Variants in HERC4 observed in about 807,000 individuals in gnomAD.
HERC4 encodes the protein probable E3 ubiquitin-protein ligase HERC4.
HERC4 carries 28 observed loss-of-function variants against 124.3 expected under a neutral mutation model. That is an observed-to-expected ratio of 0.23 (90% CI 0.17 to 0.31). HERC4 has a LOEUF of 0.31. Among genes scored for constraint, HERC4 ranks in the 10% least tolerant of loss-of-function variants. The pLI is 1.00. For missense variants in HERC4, 713 were observed against 1,229.3 expected, an observed-to-expected ratio of 0.58 and a Z score of 6.28; for synonymous variants, 407 against 421.5, an observed-to-expected ratio of 0.97 and a Z score of 0.42.
chr10:67,935,387 C>T (rs1035171908), intron 22 of HERC4, among the ~76,000 whole-genome samples: 7 of 152,036 alleles, frequency 4.6e-5, no homozygotes, highest in Admixed American at 2.0e-4. Context: ...CCTCGTGATC[C>T]GCCCGCCTCG....
rs140517278 is a variant in HERC4 at position 67,954,730 on chromosome 10, A to G, written c.2202T>C (p.Phe734=). 12 of 1,613,086 alleles carry G rather than the reference A, an allele frequency of 7.4e-6. No individual in the cohort carries two copies. The African/African-American group carries it at 1.5e-4, about 20-fold the overall frequency. ...IDYKKPLKVI[F]VGEDAVDAGG... is the part of the protein sequence containing the mutation. ...CTGCATCCACAGCATCTTCTCCAAC[A>G]AATATAACCTAAAATAGCACAATGC... The change falls in exon 19 of 25, where the codon TTT becomes TTC. Residue 734 remains phenylalanine (F), a synonymous_variant. Transcript: ENST00000373700.
chr10:68,035,870 A>G (rs1460849821), intron 5 of HERC4, among the ~76,000 whole-genome samples: 1 of 152,146 alleles, frequency 6.6e-6, no homozygotes, highest in Non-Finnish European at 1.5e-5. Context: ...CCGCTGTCCT[A>G]TGTTCTAAAT....
At chr10:68,001,004 A>G (rs2037196368) in intron 9 of HERC4, among the ~76,000 whole-genome samples, 2 of 152,186 alleles carry the variant, frequency 1.3e-5, no homozygotes, top group Admixed American at 1.3e-4. Context: ...CATTTTAAAG[A>G]AAGGTGTGCC....
intron 18 of HERC4, 38 bp downstream of exon 18, chr10:67,954,925 T>C: frequency 6.5e-7 from 1 of 1,541,370 alleles, no homozygotes; most frequent in African/African-American, 1.4e-5. Context: ...AGCTTCTGAA[T>C]AAAAGTCCCA....
At chr10:67,945,888 C>T (rs1343745820) in intron 19 of HERC4, among the ~76,000 whole-genome samples, 2 of 148,300 alleles carry the variant, frequency 1.3e-5, no homozygotes, top group African/African-American at 5.0e-5. Flanking sequence ...GTCACTTTCA[C>T]AAAAAGGAAT....
intron 3 of HERC4, chr10:68,067,021 T>C (rs1340240105): frequency 1.3e-5 from 2 of 152,632 alleles, no homozygotes; most frequent in African/African-American, 4.8e-5. Context: ...ACTGGTAGAC[T>C]CTAACTTTCA....
At chr10:67,969,864 C>A (rs2035125250) in intron 15 of HERC4, among the ~76,000 whole-genome samples, 1 of 152,070 alleles carries the variant, frequency 6.6e-6, no homozygotes, top group Non-Finnish European at 1.5e-5. Flanking sequence ...AAGGCTATAC[C>A]ACAACAACCA....
At chr10:68,028,501 A>G (rs1044451161) in intron 7 of HERC4, among the ~76,000 whole-genome samples, 1 of 152,194 alleles carries the variant, frequency 6.6e-6, no homozygotes, top group Non-Finnish European at 1.5e-5. Flanking sequence ...ATTCTTATAC[A>G]TATTTTTTGC....
At chr10:67,998,507 A>G (rs12783464) in intron 9 of HERC4, among the ~76,000 whole-genome samples, 78,910 of 143,182 alleles carry the variant, frequency 0.55, 22,980 homozygotes, top group Non-Finnish European at 0.66. Flanking sequence ...AGATCCTGCC[A>G]CTGCATTACA....
intron 3 of HERC4, among the ~76,000 whole-genome samples, chr10:68,054,840 T>C (rs1325520552): frequency 1.3e-5 from 2 of 152,068 alleles, no homozygotes; most frequent in Admixed American, 6.5e-5. Flanking sequence ...TCCCTATTAC[T>C]GAAAAATAAC....
chr10:68,043,777 T>C (rs532388694), intron 4 of HERC4, among the ~76,000 whole-genome samples: 5 of 152,172 alleles, frequency 3.3e-5, no homozygotes, highest in East Asian at 1.9e-4. Flanking sequence ...GATCACACCA[T>C]TGCACTCCAA....
At chr10:67,924,852 T>A (rs1215276042) in intron 24 of HERC4, among the ~76,000 whole-genome samples, 1 of 152,258 alleles carries the variant, frequency 6.6e-6, no homozygotes, top group African/African-American at 2.4e-5. Context: ...AACTATAACA[T>A]AGCTATAGTT....
rs1397674551 is a variant in HERC4, at chr10:67,922,591, A to G, written c.*340T>C. 1 of 160,358 alleles carries G rather than the reference A, an allele frequency of 6.2e-6. No individual in the cohort carries two copies. Among genetic ancestry groups the G allele is most frequent in the East Asian group, 1.8e-4 (1 of 5,690 alleles). 9.9% of individuals were successfully genotyped at this position (160,358 alleles called of 1,614,324 possible). A position where few individuals can be genotyped will look rare whatever the true frequency, so the allele number is the denominator to read the frequency against. ...AAAGTTAAAGGTTTTTCACTCAATG[A>G]TTGAAGAAAAATTAAGCAATATTTC... On this transcript the variant is annotated 3_prime_UTR_variant, in exon 25 of 25. Coordinates refer to ENST00000373700, the MANE Select transcript of HERC4 (RefSeq NM_015601.4).
chr10:67,932,561 T>C, intron 23 of HERC4, 36 bp downstream of exon 23: 1 of 1,535,866 alleles, frequency 6.5e-7, no homozygotes, highest in Non-Finnish European at 8.8e-7. Flanking sequence ...TATAAATCTT[T>C]CCATTTAACA....
At chr10:67,999,049 A>C (rs889943733) in intron 9 of HERC4, among the ~76,000 whole-genome samples, 1 of 152,188 alleles carries the variant, frequency 6.6e-6, no homozygotes, top group African/African-American at 2.4e-5. Context: ...GTTTTATAAA[A>C]ATAAAATAAA....
chr10:67,974,113 CACACACAT>C (rs67804458), intron 15 of HERC4, among the ~76,000 whole-genome samples: 4,619 of 114,222 alleles, frequency 0.04, 233 homozygotes, highest in East Asian at 0.12. Context: ...CACACACACA[CACACACAT>C]ACACACAGGG....
At position 67,986,516 on chromosome 10, in the gene HERC4, C is replaced by T. The variant is rs550199807; in HGVS notation, c.1806+2147G>A. On this transcript the variant is annotated intron_variant, in intron 15 of 24. Transcript: ENST00000373700. ...TACAGGCATGCACCACCATACCCAGCTAATTTTTTTTTGTATTTTTAGTGG... is the reference window on the plus strand; with the variant it reads ...TACAGGCATGCACCACCATACCCAGTTAATTTTTTTTTGTATTTTTAGTGG... Among the ~76,000 whole-genome samples the T allele has an allele frequency of 2.6e-3, 394 of 151,250 alleles. 1 individual carries two copies. The highest frequency in any genetic ancestry group is 9.2e-3 in the African/African-American group (381 of 41,476).
chr10:67,991,070 T>C, intron 12 of HERC4, 55 bp from the exon 13 acceptor site: 1 of 1,369,250 alleles, frequency 7.3e-7, no homozygotes, highest in East Asian at 2.6e-5. Flanking sequence ...ATTATTTCAT[T>C]TTTTAATTTG....
In HERC4 at chr10:67,938,075, C is replaced by T. The variant is rs544671098; in HGVS notation, c.2571+1513G>A. On this transcript the variant is annotated intron_variant, in intron 21 of 24. Transcript: ENST00000373700. ...AGCAGAATATGGCATCTTTTGTCAGCTTTGACAAAACCATAAAGAGAATGT... is the reference window on the plus strand; with the variant it reads ...AGCAGAATATGGCATCTTTTGTCAGTTTTGACAAAACCATAAAGAGAATGT... 4.4e-3 allele frequency among the ~76,000 whole-genome samples: 664 copies of T among 152,012 alleles called. 4 individuals carry two copies. Among genetic ancestry groups the T allele is most frequent in the African/African-American group, 0.015 (621 of 41,480 alleles).
Sources: allele counts gnomAD v4.1 joint callset (sites outside exome capture counted in the v4.1 genomes callset), GRCh38; gene constraint gnomAD v4.1.1; transcripts MANE v1.5; gene names NCBI Gene and HGNC (gene_info 2026-07-23, HGNC 2026-07-21).